CEP41: variants seen among roughly 807,000 people sequenced by gnomAD.
CEP41 encodes the protein centrosomal protein 41, also known as centrosomal protein of 41 kDa.
A neutral mutation model predicts 44.3 loss-of-function variants in CEP41; 32 were observed. The ratio of observed to expected loss-of-function variants is 0.72; its 90% CI spans 0.54 to 0.97. CEP41 has a LOEUF of 0.97. Ranked by LOEUF, CEP41 falls within the 50% of genes least tolerant of loss-of-function variation. The pLI, the probability that CEP41 is intolerant of heterozygous loss-of-function variation, is 0.00. For missense variants in CEP41, 432 were observed against 455.2 expected, an observed-to-expected ratio of 0.95 and a Z score of 0.46; for synonymous variants, 151 against 168.5, an observed-to-expected ratio of 0.90 and a Z score of 0.80.
intron 9 of CEP41, 136 bp from the exon 10 acceptor site, chr7:130,400,390 C>G: frequency 2.8e-6 from 2 of 717,560 alleles, no homozygotes; most frequent in South Asian, 3.0e-5. Context: ...TCTTTCTTAA[C>G]TATTTCATCA....
Position 130,440,996 on chromosome 7 carries a change from C to T in CEP41, c.-30G>A. On this transcript the variant is annotated 5_prime_UTR_variant, in exon 1 of 11. Transcript: ENST00000223208. ...TCTCCAACCGACCACGTTCGGGGTT[C>T]TAGCCTCACGGGTTGCCTCTAACCC... 1.9e-6 allele frequency: 3 copies of T among 1,611,946 alleles called. No homozygotes were observed. The highest frequency in any genetic ancestry group is 2.5e-6 in the Non-Finnish European group (3 of 1,179,784).
Position 130,396,161 on chromosome 7 carries a change from A to C in CEP41, c.*2730T>G, listed in dbSNP as rs1305841755. On this transcript the variant is annotated 3_prime_UTR_variant, in exon 11 of 11. Coordinates refer to ENST00000223208, the MANE Select transcript of CEP41 (RefSeq NM_018718.3). ...TTAAAGCATTTAAGGTATTATTTAA[A>C]CTTTGGCCATCACTGCTGTTCAGGG... The C allele has an allele frequency of 2.2e-6, 1 of 453,766 alleles. No individual in the cohort carries two copies. The highest frequency in any genetic ancestry group is 2.3e-5 in the Admixed American group (1 of 42,566). 28.1% of individuals were successfully genotyped at this position (453,766 alleles called of 1,614,324 possible).
At chr7:130,414,397 C>T (rs1357250408) in intron 3 of CEP41, among the ~76,000 whole-genome samples, 10 of 152,144 alleles carry the variant, frequency 6.6e-5, no homozygotes, top group African/African-American at 2.2e-4. Flanking sequence ...CACCAAAAGT[C>T]GTTTATGCAA....
chr7:130,433,691 A>G (rs1449134376), intron 1 of CEP41, among the ~76,000 whole-genome samples: 2 of 152,238 alleles, frequency 1.3e-5, no homozygotes, highest in Non-Finnish European at 2.9e-5. Flanking sequence ...GGGCAAACTT[A>G]TCTTCTGGGA....
intron 2 of CEP41, chr7:130,420,123 AC>A: frequency 1.0e-6 from 1 of 955,040 alleles, no homozygotes; most frequent in Non-Finnish European, 1.2e-6. Flanking sequence ...GGAGTTCCGG[AC>A]CAGCCTGGGC....
intron 5 of CEP41, among the ~76,000 whole-genome samples, chr7:130,406,659 TATG>T (rs1554418279): frequency 5.9e-5 from 9 of 152,134 alleles, no homozygotes. Context: ...TTGCATATGA[TATG>T]ATAACGTACC....
chr7:130,433,247 A>C (rs782438590), intron 1 of CEP41, among the ~76,000 whole-genome samples: 15 of 152,134 alleles, frequency 9.9e-5, no homozygotes, highest in Non-Finnish European at 1.8e-4. Context: ...GAAGGAGGAA[A>C]GAGGACAGTA....
chr7:130,410,986 C>G, intron 5 of CEP41, 136 bp downstream of exon 5: 1 of 833,596 alleles, frequency 1.2e-6, no homozygotes, highest in South Asian at 1.4e-5. Context: ...TAGCATTTCC[C>G]TGAGAGTAAC....
chr7:130,413,473 C>T (rs977332817), intron 3 of CEP41, among the ~76,000 whole-genome samples: 4 of 151,812 alleles, frequency 2.6e-5, no homozygotes, highest in Non-Finnish European at 5.9e-5. Flanking sequence ...CCCAACTACT[C>T]CAGAGGCTGA....
chr7:130,398,370 G>C lies in CEP41; in HGVS notation c.*521C>G, dbSNP rs1554415768. Reference sequence around the variant, plus strand: ...AGAGAGCTCCTTGCTGAGTGAGCCTGCTGGGGTGGGGTCTGCAGGCGGCTG... The same window carrying C: ...AGAGAGCTCCTTGCTGAGTGAGCCTCCTGGGGTGGGGTCTGCAGGCGGCTG... On this transcript the variant is annotated 3_prime_UTR_variant, in exon 11 of 11. Coordinates refer to ENST00000223208, the MANE Select transcript of CEP41 (RefSeq NM_018718.3). 2.2e-6 allele frequency: 1 copy of C among 454,088 alleles called. No homozygotes were observed. Among genetic ancestry groups the C allele is most frequent in the Non-Finnish European group, 4.4e-6 (1 of 226,804 alleles). The allele number at this position is 454,088 out of a possible 1,614,324, so 28.1% of individuals were successfully genotyped here. A position where few individuals can be genotyped will look rare whatever the true frequency, so the allele number is the denominator to read the frequency against.
At chr7:130,428,204 A>G (rs1797720519) in intron 1 of CEP41, among the ~76,000 whole-genome samples, 186 bp from the exon 2 acceptor site, 1 of 151,984 alleles carries the variant, frequency 6.6e-6, no homozygotes, top group Admixed American at 6.6e-5. Context: ...TGGGTGGATC[A>G]CCTAAGGTCA....
intron 5 of CEP41, among the ~76,000 whole-genome samples, chr7:130,406,299 A>G (rs932391481): frequency 3.3e-5 from 5 of 152,142 alleles, no homozygotes; most frequent in Non-Finnish European, 7.4e-5. Flanking sequence ...AATAATAATA[A>G]CAGGGCGGGC....
At chr7:130,423,564 C>T (rs1031582280) in intron 2 of CEP41, among the ~76,000 whole-genome samples, 1 of 152,122 alleles carries the variant, frequency 6.6e-6, no homozygotes, top group East Asian at 1.9e-4. Flanking sequence ...TTTGGCAGTT[C>T]CTCAAAAAAT....
chr7:130,435,417 A>G (rs961372313), intron 1 of CEP41, among the ~76,000 whole-genome samples: 1 of 152,210 alleles, frequency 6.6e-6, no homozygotes, highest in African/African-American at 2.4e-5. Flanking sequence ...TAAGAAAAAT[A>G]GAAAATAGGC....
intron 1 of CEP41, among the ~76,000 whole-genome samples, chr7:130,432,126 G>A (rs1797839637): frequency 6.6e-6 from 1 of 151,996 alleles, no homozygotes; most frequent in Admixed American, 6.6e-5. Context: ...AAGGAGGAGT[G>A]ACAAGATTAT....
intron 8 of CEP41, among the ~76,000 whole-genome samples, chr7:130,401,654 C>T (rs1456778967): frequency 6.6e-6 from 1 of 152,148 alleles, no homozygotes; most frequent in Non-Finnish European, 1.5e-5. Flanking sequence ...CTCAATGGAT[C>T]CTAACTCTTA....
intron 6 of CEP41, 107 bp downstream of exon 6, chr7:130,404,457 C>T: frequency 2.3e-6 from 2 of 865,932 alleles, no homozygotes; most frequent in Non-Finnish European, 3.9e-6. Context: ...AGACTTTACT[C>T]CTGCCAGTTC....
chr7:130,433,032 T>G (rs1253449790), intron 1 of CEP41, among the ~76,000 whole-genome samples: 1 of 151,250 alleles, frequency 6.6e-6, no homozygotes, highest in East Asian at 1.9e-4. Flanking sequence ...AAGAAGGGAG[T>G]GGCCAACAGT....
chr7:130,422,193 A>C (rs1797529539), intron 2 of CEP41, among the ~76,000 whole-genome samples: 1 of 152,232 alleles, frequency 6.6e-6, no homozygotes, highest in Admixed American at 6.5e-5. Context: ...TGAAGACAGG[A>C]GATATCACGA....
Sources: gnomAD v4.1 joint callset for allele counts (sites outside exome capture counted in the v4.1 genomes callset) on GRCh38, gnomAD v4.1.1 for gene constraint, MANE v1.5 for transcripts, NCBI Gene and HGNC (gene_info 2026-07-23, HGNC 2026-07-21) for gene names.